APCDD1L: variants seen among roughly 807,000 people sequenced by gnomAD.
The protein encoded by APCDD1L is APC down-regulated 1 like, also known as protein APCDD1-like.
A neutral mutation model predicts 24.2 loss-of-function variants in APCDD1L; 21 were observed. The observed-to-expected ratio is 0.87, with a 90% CI of 0.61 to 1.25. The LOEUF (loss-of-function observed/expected upper bound fraction) is 1.25, where lower values mean the gene tolerates loss of function less well. Among genes scored for constraint, APCDD1L ranks in the 50% most tolerant of loss-of-function variants. APCDD1L has a pLI of 0.00. For synonymous variants in APCDD1L, 321 were observed against 323.6 expected (o/e 0.99, Z 0.09); for missense variants, 704 against 711.7 (o/e 0.99, Z 0.12).
rs1216996935 is a variant in APCDD1L, at chr20:58,514,987, CT to C, written c.-281del. Reference sequence around the variant, plus strand: ...ACACCCGCGCAGCGCGCACAGCCCCCTGGTGCAGCTCCTGCCATTCAGACCC... The same window carrying C: ...ACACCCGCGCAGCGCGCACAGCCCCCGGTGCAGCTCCTGCCATTCAGACCC... On this transcript the variant is annotated 5_prime_UTR_variant, in exon 1 of 4. It removes the in-frame stop codon of an upstream open reading frame in the 5' UTR. Transcript: ENST00000371149. 13 of 331,160 alleles carry C rather than the reference CT, an allele frequency of 3.9e-5. No individual in the cohort carries two copies. Among genetic ancestry groups the C allele is most frequent in the Non-Finnish European group, 7.1e-5 (13 of 183,628 alleles). The allele number at this position is 331,160 out of a possible 1,614,324, so 20.5% of individuals were successfully genotyped here. A position where few individuals can be genotyped will look rare whatever the true frequency, so the allele number is the denominator to read the frequency against.
In APCDD1L at chr20:58,509,079, A is replaced by G. The variant is rs374454697; in HGVS notation, c.49+5580T>C. Among the ~76,000 whole-genome samples, 109 of 152,182 alleles carry G rather than the reference A, an allele frequency of 7.2e-4. 1 individual carries two copies. In the South Asian group the frequency reaches 0.022, roughly 31 times the overall value. ...TCTGGGAAGGCCTCTCAGAGAAGGTAACATCTGAGTAGATACCTGAGTGGA... is the reference window on the plus strand; with the variant it reads ...TCTGGGAAGGCCTCTCAGAGAAGGTGACATCTGAGTAGATACCTGAGTGGA... On this transcript the variant is annotated intron_variant, in intron 1 of 3. Coordinates refer to ENST00000371149, the MANE Select transcript of APCDD1L (RefSeq NM_153360.3).
intron 1 of APCDD1L, among the ~76,000 whole-genome samples, chr20:58,495,223 C>T (rs1439823378): frequency 6.6e-6 from 1 of 152,174 alleles, no homozygotes; most frequent in Non-Finnish European, 1.5e-5. Flanking sequence ...GACCAGTGGC[C>T]TCGTTTGAGG....
At chr20:58,501,673 C>T (rs977241062) in intron 1 of APCDD1L, among the ~76,000 whole-genome samples, 4 of 152,228 alleles carry the variant, frequency 2.6e-5, no homozygotes, top group African/African-American at 9.6e-5. Flanking sequence ...GACAGTTCCA[C>T]CTCCACACGC....
chr20:58,484,075 C>T (rs1990074859), intron 1 of APCDD1L, among the ~76,000 whole-genome samples: 1 of 152,214 alleles, frequency 6.6e-6, no homozygotes, highest in South Asian at 2.1e-4. Flanking sequence ...ATTTTAGCAT[C>T]TGTGTGTCCC....
rs1053824235 is a variant in APCDD1L at position 58,494,097 on chromosome 20, C to G, written c.49+20562G>C. Among the ~76,000 whole-genome samples, 10 of 152,090 alleles carry G rather than the reference C, an allele frequency of 6.6e-5. No homozygotes were observed. The highest frequency in any genetic ancestry group is 1.5e-4 in the Non-Finnish European group (10 of 68,018). On this transcript the variant is annotated intron_variant, in intron 1 of 3. Transcript: ENST00000371149. The surrounding 1 kb of genome is among the most constrained non-coding windows in gnomAD (Gnocchi z 4.8). ...GATTCATTAGCTGGAAGCGGATCATCATAAAGGTCTTCATCCTCATCACCT... is the reference window on the plus strand; with the variant it reads ...GATTCATTAGCTGGAAGCGGATCATGATAAAGGTCTTCATCCTCATCACCT...
At chr20:58,510,204 T>C (rs138993245) in intron 1 of APCDD1L, among the ~76,000 whole-genome samples, 21 of 152,342 alleles carry the variant, frequency 1.4e-4, no homozygotes, top group Non-Finnish European at 2.4e-4. Context: ...AGTTGCCCTA[T>C]TTTCCATGAA....
intron 3 of APCDD1L, among the ~76,000 whole-genome samples, chr20:58,463,892 T>TG (rs1218452331): frequency 1.2e-3 from 69 of 59,874 alleles, no homozygotes; most frequent in African/African-American, 3.5e-3. Context: ...ACAGTTTTTT[T>TG]TTGGGGGGGG....
At chr20:58,478,421 C>G (rs187438833) in intron 1 of APCDD1L, among the ~76,000 whole-genome samples, 11 of 145,852 alleles carry the variant, frequency 7.5e-5, no homozygotes, top group Admixed American at 6.4e-4. Context: ...CTTCCCTTTT[C>G]CCCTTCCCTT....
intron 1 of APCDD1L, among the ~76,000 whole-genome samples, chr20:58,496,953 A>G (rs938980080): frequency 2.0e-5 from 3 of 152,242 alleles, no homozygotes; most frequent in African/African-American, 7.2e-5. Context: ...CCAGTGAAAT[A>G]AAAAACAAGT....
intron 3 of APCDD1L, among the ~76,000 whole-genome samples, chr20:58,466,584 G>A (rs909381373): frequency 1.3e-5 from 2 of 152,248 alleles, no homozygotes; most frequent in Admixed American, 1.3e-4. Context: ...GGTCCTGATC[G>A]TCGGCCTGAC....
At chr20:58,470,116 C>G (rs1401575116) in intron 2 of APCDD1L, among the ~76,000 whole-genome samples, 3 of 152,222 alleles carry the variant, frequency 2.0e-5, no homozygotes, top group African/African-American at 4.8e-5. Flanking sequence ...CAGCTGCCCC[C>G]TCTGCCTGGC....
At chr20:58,484,878 T>A (rs1006796185) in intron 1 of APCDD1L, among the ~76,000 whole-genome samples, 4 of 151,958 alleles carry the variant, frequency 2.6e-5, no homozygotes, top group African/African-American at 9.7e-5. Flanking sequence ...GTTGCTTCCT[T>A]CAAACAGAAT....
chr20:58,513,937 G>A, intron 1 of APCDD1L: 2 of 1,302,398 alleles, frequency 1.5e-6, no homozygotes, highest in Non-Finnish European at 2.0e-6. Flanking sequence ...CCCCCAGCTG[G>A]GCACACTTCA....
chr20:58,514,225 C>T (rs550296720), intron 1 of APCDD1L, among the ~76,000 whole-genome samples: 1 of 152,176 alleles, frequency 6.6e-6, no homozygotes, highest in East Asian at 1.9e-4. Context: ...AAGCCCCGAC[C>T]CCGCACAGGT....
intron 1 of APCDD1L, among the ~76,000 whole-genome samples, chr20:58,489,355 G>A (rs1990179719): frequency 1.3e-5 from 2 of 149,776 alleles, no homozygotes; most frequent in African/African-American, 4.9e-5. Flanking sequence ...CCTGGGCAAC[G>A]TGGAGAAAAC....
At chr20:58,501,916 C>T (rs1399229736) in intron 1 of APCDD1L, among the ~76,000 whole-genome samples, 1 of 152,180 alleles carries the variant, frequency 6.6e-6, no homozygotes, top group Non-Finnish European at 1.5e-5. Context: ...TCAGTTGGTT[C>T]CTCTCATCCT....
At position 58,515,328 on chromosome 20, in the gene APCDD1L, G is replaced by T; in HGVS notation, c.-621C>A. The T allele has an allele frequency of 3.4e-6, 1 of 293,948 alleles. No individual in the cohort carries two copies. The highest frequency in any genetic ancestry group is 6.2e-6 in the Non-Finnish European group (1 of 160,750). The allele number at this position is 293,948 out of a possible 1,614,324, so 18.2% of individuals were successfully genotyped here. ...GGCCAACCCGGTCGCCTAGAAGCCA[G>T]CCCCGGCCTCTGTCTGTAAATGAGG... On this transcript the variant is annotated 5_prime_UTR_variant, in exon 1 of 4. The change creates a new upstream start codon in the 5' untranslated region. Coordinates refer to ENST00000371149, the MANE Select transcript of APCDD1L (RefSeq NM_153360.3).
intron 1 of APCDD1L, chr20:58,514,034 A>C: frequency 8.7e-7 from 1 of 1,142,930 alleles, no homozygotes; most frequent in Non-Finnish European, 1.1e-6. Context: ...AGTTTTGTCT[A>C]CCCTACTCCC....
rs144616169 is a variant in APCDD1L at position 58,478,951 on chromosome 20, G to A, written c.50-8204C>T. 4.5e-3 allele frequency among the ~76,000 whole-genome samples: 687 copies of A among 152,138 alleles called. 3 individuals carry two copies. Among genetic ancestry groups the A allele is most frequent in the Non-Finnish European group, 7.6e-3 (518 of 68,026 alleles). On this transcript the variant is annotated intron_variant, in intron 1 of 3. Coordinates refer to ENST00000371149, the MANE Select transcript of APCDD1L (RefSeq NM_153360.3). ...TCAGATCATGTCACAGGCTTAGATG[G>A]GTTGGATCTGGCCTAAGAAGCGAAT...
Sources: gnomAD v4.1 joint callset for allele counts (sites outside exome capture counted in the v4.1 genomes callset) on GRCh38, gnomAD v4.1.1 for gene constraint, Gnocchi (gnomAD v3.1) non-coding constraint, MANE v1.5 for transcripts, NCBI Gene and HGNC (gene_info 2026-07-23, HGNC 2026-07-21) for gene names.